SLAIN2: variants seen among roughly 807,000 people sequenced by gnomAD.
SLAIN2 encodes SLAIN motif-containing protein 2.
A neutral mutation model predicts 56.6 loss-of-function variants in SLAIN2; 31 were observed. That is an observed-to-expected ratio of 0.55 (90% CI 0.41 to 0.74). The LOEUF (loss-of-function observed/expected upper bound fraction) is 0.74, where lower values mean the gene tolerates loss of function less well. Among genes scored for constraint, SLAIN2 ranks in the 30% least tolerant of loss-of-function variants. The pLI, the probability that SLAIN2 is intolerant of heterozygous loss-of-function variation, is 0.00. For synonymous variants in SLAIN2, 317 were observed against 284.9 expected (o/e 1.11, Z -1.13); for missense variants, 777 against 754.2 (o/e 1.03, Z -0.35).
chr4:48,409,701 T>A (rs1179765315), intron 6 of SLAIN2, among the ~76,000 whole-genome samples: 2 of 152,072 alleles, frequency 1.3e-5, no homozygotes, highest in African/African-American at 4.8e-5. Flanking sequence ...CTGGTCAACA[T>A]GGTGAATCCT....
intron 6 of SLAIN2, among the ~76,000 whole-genome samples, chr4:48,408,233 G>T (rs533988037): frequency 1.3e-5 from 2 of 152,084 alleles, no homozygotes; most frequent in Non-Finnish European, 2.9e-5. Context: ...AGGAGGGTGA[G>T]GTTGGAGGAT....
chr4:48,423,751 A>G lies in SLAIN2; in HGVS notation c.*1674A>G, dbSNP rs1717223395. The G allele has an allele frequency of 6.6e-6, 1 of 152,212 alleles. No individual in the cohort carries two copies. Among genetic ancestry groups the G allele is most frequent in the Non-Finnish European group, 1.5e-5 (1 of 68,050 alleles). 9.4% of individuals were successfully genotyped at this position (152,212 alleles called of 1,614,324 possible). ...ACTGCCAGTACTATGTATTTGGTGT[A>G]TAATGCAAGGAAGAAACTTTATCCT... On this transcript the variant is annotated 3_prime_UTR_variant, in exon 8 of 8. Coordinates refer to ENST00000264313, the MANE Select transcript of SLAIN2 (RefSeq NM_020846.2).
In SLAIN2 at chr4:48,424,458, ATT is replaced by A. The variant is rs1445367231; in HGVS notation, c.*2382_*2383del. ...GATTATTTTGTGCCAACAGCCCAGA[ATT>A]GTCACTTATATGTAAGCAGAAAACA... On this transcript the variant is annotated 3_prime_UTR_variant, in exon 8 of 8. Coordinates refer to ENST00000264313, the MANE Select transcript of SLAIN2 (RefSeq NM_020846.2). The A allele has an allele frequency of 6.6e-6, 1 of 152,148 alleles. No individual in the cohort carries two copies. 9.4% of individuals were successfully genotyped at this position (152,148 alleles called of 1,614,324 possible).
intron 1 of SLAIN2, among the ~76,000 whole-genome samples, chr4:48,360,276 T>C (rs1420494167): frequency 1.3e-5 from 2 of 152,000 alleles, no homozygotes; most frequent in Non-Finnish European, 2.9e-5. Context: ...GTTATTTATA[T>C]ACCATAAAAT....
chr4:48,371,973 C>T (rs200882342), intron 2 of SLAIN2, among the ~76,000 whole-genome samples: 82 of 10,616 alleles, frequency 7.7e-3, no homozygotes, highest in Admixed American at 4.0e-3. Flanking sequence ...AAAGTATATA[C>T]ACACACACAC....
chr4:48,407,639 C>T (rs1242430593), intron 6 of SLAIN2, among the ~76,000 whole-genome samples: 4 of 152,122 alleles, frequency 2.6e-5, no homozygotes, highest in African/African-American at 4.8e-5. Flanking sequence ...AGCTCTCTCT[C>T]GTATTTGGAA....
chr4:48,352,970 G>A (rs1343205715), intron 1 of SLAIN2, among the ~76,000 whole-genome samples: 1 of 152,136 alleles, frequency 6.6e-6, no homozygotes, highest in Admixed American at 6.5e-5. Context: ...TTTTATCAGA[G>A]GTTTCCGCTT....
chr4:48,385,928 G>A (rs959287744), intron 6 of SLAIN2, among the ~76,000 whole-genome samples: 2 of 150,728 alleles, frequency 1.3e-5, no homozygotes, highest in Non-Finnish European at 3.0e-5. Context: ...ACAAGACCTC[G>A]TCTCTAAAAA....
At position 48,420,394 on chromosome 4, in the gene SLAIN2, G is replaced by A. The variant is rs542233345; in HGVS notation, c.1630G>A (p.Ala544Thr). The change falls in exon 7 of 8, where the codon GCT (alanine) becomes ACT (threonine). Residue 544 changes from alanine to threonine, a missense_variant. Transcript: ENST00000264313. ...CTTGCCCAGACCCAGTGCCCCTTCT[G>A]CTGGGGGCATACCAGTGCCTCGCAG... is the stretch of plus-strand genomic sequence containing the variant. ...SGLPRPSAPS[A>T]GGIPVPRSKL... 2 of 1,613,892 alleles carry A rather than the reference G, an allele frequency of 1.2e-6. No homozygotes were observed. The highest frequency in any genetic ancestry group is 2.7e-5 in the African/African-American group (2 of 74,946).
chr4:48,399,679 C>A (rs1716495556), intron 6 of SLAIN2, among the ~76,000 whole-genome samples: 1 of 152,066 alleles, frequency 6.6e-6, no homozygotes, highest in Non-Finnish European at 1.5e-5. Flanking sequence ...GTATTTCCTT[C>A]AATACATAGT....
At chr4:48,370,922 G>A (rs1467707121) in intron 2 of SLAIN2, among the ~76,000 whole-genome samples, 1 of 152,110 alleles carries the variant, frequency 6.6e-6, no homozygotes, top group Non-Finnish European at 1.5e-5. Context: ...AGGAAGCAGA[G>A]GGGACAGTTA....
intron 6 of SLAIN2, among the ~76,000 whole-genome samples, chr4:48,386,208 TTTATA>T (rs1716096071): frequency 6.6e-6 from 1 of 152,122 alleles, no homozygotes; most frequent in African/African-American, 2.4e-5. Flanking sequence ...ATATAACAAA[TTTATA>T]TTATACTGTA....
chr4:48,403,948 G>A (rs572337083), intron 6 of SLAIN2, among the ~76,000 whole-genome samples: 3 of 152,284 alleles, frequency 2.0e-5, no homozygotes, highest in East Asian at 3.9e-4. Flanking sequence ...TGGGAGAAGC[G>A]TGGTTTCCCA....
At chr4:48,354,454 A>ATTGTTACGGATATTTTTT (rs1231345542) in intron 1 of SLAIN2, among the ~76,000 whole-genome samples, 140 of 134,322 alleles carry the variant, frequency 1.0e-3, no homozygotes, top group African/African-American at 3.5e-3. Flanking sequence ...ATCCTCGTTA[A>ATTGTTACGGATATTTTTT]TTGTTACGGA....
intron 3 of SLAIN2, among the ~76,000 whole-genome samples, chr4:48,379,115 C>G (rs1715904080): frequency 6.6e-6 from 1 of 152,118 alleles, no homozygotes. Context: ...CTTTATTCCT[C>G]TGGCCTGTTT....
intron 6 of SLAIN2, chr4:48,394,535 G>C: frequency 2.0e-6 from 3 of 1,475,872 alleles, no homozygotes; most frequent in Non-Finnish European, 2.7e-6. Flanking sequence ...CCTTTGTCTT[G>C]TACTTCCAGG....
intron 6 of SLAIN2, among the ~76,000 whole-genome samples, chr4:48,389,727 T>C (rs547471493): frequency 6.6e-6 from 1 of 152,242 alleles, no homozygotes; most frequent in East Asian, 1.9e-4. Context: ...GCAGCCTGAG[T>C]ATAGTGGTTT....
chr4:48,392,900 A>G (rs115620730), intron 6 of SLAIN2, among the ~76,000 whole-genome samples: 1 of 148,742 alleles, frequency 6.7e-6, no homozygotes, highest in South Asian at 2.2e-4. Flanking sequence ...TGCCTACTGG[A>G]TACATTATAC....
chr4:48,408,138 A>G (rs182267183), intron 6 of SLAIN2, among the ~76,000 whole-genome samples: 11 of 152,182 alleles, frequency 7.2e-5, no homozygotes, highest in Admixed American at 2.6e-4. Context: ...TGAGTTTGAG[A>G]TCAGCCTGGG....
Sources: gnomAD v4.1 joint callset for allele counts (sites outside exome capture counted in the v4.1 genomes callset) on GRCh38, gnomAD v4.1.1 for gene constraint, MANE v1.5 for transcripts, NCBI Gene and HGNC (gene_info 2026-07-23, HGNC 2026-07-21) for gene names.